The following MYBPC1 variants were observed in gnomAD, a reference collection of about 807,000 sequenced individuals.
MYBPC1 encodes myosin-binding protein C, slow-type.
Under a neutral mutation model 147.1 loss-of-function variants are expected in MYBPC1, and 52 were observed. That is an observed-to-expected ratio of 0.35 (90% CI 0.28 to 0.45). MYBPC1 has a LOEUF of 0.45. Ranked by LOEUF, MYBPC1 falls within the 20% of genes least tolerant of loss-of-function variation. The probability of loss-of-function intolerance (pLI) is 1.00; values close to 1 mark genes in which losing one functional copy is unlikely to be tolerated. For missense variants in MYBPC1, 1,228 were observed against 1,440.3 expected (o/e 0.85, Z 2.39); for synonymous variants, 477 against 475.9 (o/e 1.00, Z -0.03).
At position 101,652,739 on chromosome 12, in the gene MYBPC1, C is replaced by T; in HGVS notation, c.1588C>T (p.Pro530Ser). 1.2e-6 allele frequency: 2 copies of T among 1,614,008 alleles called. No individual in the cohort carries two copies. Among genetic ancestry groups the T allele is most frequent in the Non-Finnish European group, 1.7e-6 (2 of 1,179,896 alleles). The change falls in exon 17 of 32, where the codon CCT (proline) becomes TCT (serine). Residue 530 changes from proline to serine, a missense_variant. Pro to Ser is a moderately conservative substitution (Grantham distance 74). Around this residue, in one of 2 missense-constraint regions of MYBPC1, gnomAD observed 1,077 missense variants for 1,314.2 expected, o/e 0.82. Transcript: ENST00000361466. ...TEDEGDYVFA[P>S]DAYNVTLPAK... ...AGATGAAGGTGATTATGTATTTGCA[C>T]CTGATGCCTACAATGTTACTCTGCC...
At chr12:101,606,927 C>A (rs1481847391) in intron 1 of MYBPC1, among the ~76,000 whole-genome samples, 1 of 152,084 alleles carries the variant, frequency 6.6e-6, no homozygotes, top group Non-Finnish European at 1.5e-5. Context: ...CCAGCTCAAG[C>A]AATCTTCCCA....
chr12:101,666,774 G>A lies in MYBPC1; in HGVS notation c.2357-958G>A, dbSNP rs1430047452. ...TCAGCAAAACAGTCTGATGAAAATG[G>A]GGAGGCTGCCTATGATCTGCCAGGT... On this transcript the variant is annotated intron_variant, in intron 22 of 31. Transcript: ENST00000361466. 4 of 1,613,844 alleles carry A rather than the reference G, an allele frequency of 2.5e-6. No homozygotes were observed. In the East Asian group the frequency reaches 6.7e-5, roughly 27 times the overall value.
Position 101,663,422 on chromosome 12 carries a change from T to G in MYBPC1, c.2222-4T>G, listed in dbSNP as rs927472988. The stretch of plus-strand genomic sequence containing the variant: ...TATTCTTTTCTGTCTCTTTTATCTT[T>G]AAGCTGTAACAAGCCCTCCTACTCT... On this transcript the variant is annotated splice_polypyrimidine_tract_variant and splice_region_variant and intron_variant, in intron 21 of 31. Transcript: ENST00000361466. The G allele has an allele frequency of 6.2e-7, 1 of 1,612,828 alleles. No homozygotes were observed. The highest frequency in any genetic ancestry group is 1.3e-5 in the African/African-American group (1 of 74,900).
intron 23 of MYBPC1, among the ~76,000 whole-genome samples, 158 bp from the exon 24 acceptor site, chr12:101,670,163 C>CCAGTTACTA (rs2136645601): frequency 8.4e-6 from 1 of 119,332 alleles, no homozygotes; most frequent in Non-Finnish European, 1.9e-5. Flanking sequence ...ACATTTTGAA[C>CCAGTTACTA]CAGTTACTAT....
intron 3 of MYBPC1, among the ~76,000 whole-genome samples, chr12:101,621,756 G>C (rs1383716618): frequency 6.6e-6 from 1 of 152,136 alleles, no homozygotes; most frequent in Non-Finnish European, 1.5e-5. Context: ...TTATGCCCAA[G>C]AGAGTTTGGA....
intron 3 of MYBPC1, among the ~76,000 whole-genome samples, 198 bp from the exon 4 acceptor site, chr12:101,626,674 C>T (rs1888684596): frequency 1.3e-5 from 2 of 152,136 alleles, no homozygotes; most frequent in Non-Finnish European, 2.9e-5. Context: ...ACTCTGTCAA[C>T]TTTTTATTTA....
downstream of MYBPC1, among the ~76,000 whole-genome samples, chr12:101,688,953 C>CAAAAAAAAA (rs748533294): frequency 2.9e-5 from 2 of 68,276 alleles, no homozygotes; most frequent in Non-Finnish European, 7.0e-5. Flanking sequence ...GACCGTATCT[C>CAAAAAAAAA]AAAAAAAAAA....
intron 3 of MYBPC1, among the ~76,000 whole-genome samples, chr12:101,624,813 A>AAGAGC (rs1481060500): frequency 2.0e-5 from 3 of 148,630 alleles, no homozygotes; most frequent in Non-Finnish European, 4.4e-5. Flanking sequence ...ATGCTTTGGG[A>AAGAGC]AGAGCAGAGC....
rs1876663244 is a variant in MYBPC1, at chr12:101,595,095, G to A, written c.25G>A (p.Glu9Lys). The stretch of plus-strand genomic sequence containing the variant: ...CATGCCAGAACCCACTAAGAAAGAG[G>A]GTAAGACTTATCTAGAAATCTTTTT... MPEPTKKE[E>K]NEVPAPAPPP... The change falls in exon 1 of 32, where the codon GAA (glutamate) becomes AAA (lysine). Residue 9 changes from glutamate (E) to lysine (K), a missense_variant and splice_region_variant. Physicochemically the swap from Glu to Lys is moderately conservative, Grantham distance 56. This residue lies in a region of MYBPC1 where 151 missense variants were observed against 126.1 expected (regional missense o/e 1.20). Transcript: ENST00000361466. 1.2e-6 allele frequency: 2 copies of A among 1,611,708 alleles called. No individual in the cohort carries two copies. Among genetic ancestry groups the A allele is most frequent in the Non-Finnish European group, 1.7e-6 (2 of 1,178,086 alleles).
intron 24 of MYBPC1, among the ~76,000 whole-genome samples, chr12:101,673,041 C>T (rs368959582): frequency 1.3e-5 from 2 of 152,138 alleles, no homozygotes; most frequent in African/African-American, 4.8e-5. Flanking sequence ...ATTCCAGGGC[C>T]CCAGAGCCCA....
intron 1 of MYBPC1, among the ~76,000 whole-genome samples, chr12:101,609,809 T>A (rs1007181169): frequency 6.6e-6 from 1 of 152,208 alleles, no homozygotes; most frequent in African/African-American, 2.4e-5. Flanking sequence ...GTAACCACTT[T>A]TATAACCTCT....
At chr12:101,679,442 G>C (rs553742909) in intron 28 of MYBPC1, among the ~76,000 whole-genome samples, 1 of 152,278 alleles carries the variant, frequency 6.6e-6, no homozygotes, top group East Asian at 1.9e-4. Flanking sequence ...CTGTGTGAAG[G>C]AGACAGAAAA....
chr12:101,670,869 C>T (rs758524224), intron 24 of MYBPC1, among the ~76,000 whole-genome samples: 4 of 152,134 alleles, frequency 2.6e-5, no homozygotes, highest in African/African-American at 4.8e-5. Flanking sequence ...TTTGAAATAA[C>T]GATGACACTA....
chr12:101,642,694 TG>T, intron 11 of MYBPC1, 109 bp downstream of exon 11: 1 of 1,274,356 alleles, frequency 7.8e-7, no homozygotes, highest in Non-Finnish European at 1.1e-6. Context: ...GGGTTGGGAG[TG>T]GGGCTGGGTA....
intron 10 of MYBPC1, among the ~76,000 whole-genome samples, chr12:101,638,805 C>T (rs1343292934): frequency 1.3e-5 from 2 of 152,170 alleles, no homozygotes; most frequent in Non-Finnish European, 2.9e-5. Context: ...CTCCAGTTCT[C>T]ATTTTCTTTT....
intron 12 of MYBPC1, 106 bp downstream of exon 12, chr12:101,644,902 C>G: frequency 8.8e-7 from 1 of 1,131,636 alleles, no homozygotes; most frequent in Non-Finnish European, 1.3e-6. Context: ...TTTCATAATA[C>G]AAAATCATAT....
At chr12:101,614,954 C>A (rs957620472) in intron 2 of MYBPC1, 7 of 262,006 alleles carry the variant, frequency 2.7e-5, no homozygotes, top group African/African-American at 1.6e-4. Flanking sequence ...GATCAGCTGT[C>A]CCTTCTCAAC....
At chr12:101,632,430 T>C (rs973117282) in intron 8 of MYBPC1, among the ~76,000 whole-genome samples, 5 of 152,188 alleles carry the variant, frequency 3.3e-5, no homozygotes, top group Non-Finnish European at 7.4e-5. Context: ...AGAATGTATG[T>C]TTCAAGGGGT....
chr12:101,674,400 T>C (rs960550697), intron 25 of MYBPC1, among the ~76,000 whole-genome samples: 6 of 152,112 alleles, frequency 3.9e-5, no homozygotes, highest in African/African-American at 7.2e-5. Flanking sequence ...CTAAGCAAAA[T>C]TGAACAGTTA....
Sources: allele counts gnomAD v4.1 joint callset (sites outside exome capture counted in the v4.1 genomes callset), GRCh38; gene constraint gnomAD v4.1.1; regional missense constraint gnomAD v4.1.1; transcripts MANE v1.5; gene names NCBI Gene and HGNC (gene_info 2026-07-23, HGNC 2026-07-21).